SENP6: variants seen among roughly 807,000 people sequenced by gnomAD.
The protein encoded by SENP6 is SUMO specific peptidase 6.
In SENP6, 41 loss-of-function variants were observed where a neutral mutation model predicts 134.5. The observed-to-expected ratio is 0.30, with a 90% CI of 0.24 to 0.40. SENP6 has a LOEUF of 0.40. Ranked by LOEUF, SENP6 falls within the 10% of genes least tolerant of loss-of-function variation. The probability of loss-of-function intolerance (pLI) is 1.00; values close to 1 mark genes in which losing one functional copy is unlikely to be tolerated. For missense variants in SENP6, 1,248 were observed against 1,312.5 expected, an observed-to-expected ratio of 0.95 and a Z score of 0.76; for synonymous variants, 395 against 429.8, an observed-to-expected ratio of 0.92 and a Z score of 1.00.
At chr6:75,667,317 A>C (rs17414729) in intron 10 of SENP6, among the ~76,000 whole-genome samples, 1 of 151,964 alleles carries the variant, frequency 6.6e-6, no homozygotes, top group African/African-American at 2.4e-5. Flanking sequence ...AAAAGTTCAC[A>C]TGGAAAAAGG....
intron 7 of SENP6, among the ~76,000 whole-genome samples, chr6:75,651,390 A>G (rs776518048): frequency 2.6e-5 from 4 of 152,128 alleles, no homozygotes; most frequent in Non-Finnish European, 2.9e-5. Context: ...GTCTTGCTCT[A>G]TTACCCAGGC....
intron 1 of SENP6, among the ~76,000 whole-genome samples, chr6:75,617,935 T>C (rs755909236): frequency 6.6e-6 from 1 of 152,224 alleles, no homozygotes; most frequent in Non-Finnish European, 1.5e-5. Flanking sequence ...TGTTTTCTTA[T>C]GATTAAACTG....
rs373276113 is a variant in SENP6, at chr6:75,677,116, A to C, written c.1708A>C (p.Ile570Leu). ...NMVFESIINE[I>L]GIKNNISNFF... ...GGTATTTGAAAGTATCATTAATGAA[A>C]TTGGTATAAAGAATAACATCTCCAA... The change falls in exon 14 of 24, where the codon ATT (isoleucine) becomes CTT (leucine). Residue 570 changes from isoleucine (I) to leucine (L), a missense_variant. This residue lies in a region of SENP6 where 733 missense variants were observed against 725.4 expected (regional missense o/e 1.01). Transcript: ENST00000447266. 6.8e-6 allele frequency: 11 copies of C among 1,609,896 alleles called. No individual in the cohort carries two copies. In the Middle Eastern group the frequency reaches 8.2e-4, roughly 121 times the overall value.
intron 16 of SENP6, among the ~76,000 whole-genome samples, chr6:75,681,873 AC>A (rs959620067): frequency 1.1e-4 from 16 of 152,286 alleles, no homozygotes; most frequent in Non-Finnish European, 2.1e-4. Context: ...CTACAAAAAA[AC>A]AAAAATATAA....
At chr6:75,703,150 G>A in intron 19 of SENP6, 78 bp downstream of exon 19, 1 of 1,229,844 alleles carries the variant, frequency 8.1e-7, no homozygotes. Context: ...TTAAGATCCT[G>A]TTTTAAAAAA....
intron 1 of SENP6, among the ~76,000 whole-genome samples, chr6:75,621,178 G>A (rs1768240690): frequency 6.6e-6 from 1 of 152,216 alleles, no homozygotes. Flanking sequence ...CATGAAGAAG[G>A]CAAGCAAACT....
chr6:75,619,361 A>G (rs1343223658), intron 1 of SENP6, among the ~76,000 whole-genome samples: 1 of 151,944 alleles, frequency 6.6e-6, no homozygotes, highest in South Asian at 2.1e-4. Flanking sequence ...TATTTCACTT[A>G]GTAACTGTTT....
chr6:75,717,016 T>C lies in SENP6; in HGVS notation c.*1422T>C, dbSNP rs1460350789. 4 of 151,956 alleles carry C rather than the reference T, an allele frequency of 2.6e-5. No homozygotes were observed. The highest frequency in any genetic ancestry group is 5.9e-5 in the Non-Finnish European group (4 of 67,850). 9.4% of individuals were successfully genotyped at this position (151,956 alleles called of 1,614,324 possible). A position where few individuals can be genotyped will look rare whatever the true frequency, so the allele number is the denominator to read the frequency against. On this transcript the variant is annotated 3_prime_UTR_variant, in exon 24 of 24. Coordinates refer to ENST00000447266, the MANE Select transcript of SENP6 (RefSeq NM_015571.4). ...CAGTAGAGTCTCAGTAAGAGAAATA[T>C]TAAAATGTAAGAAAGGTCACCATTA...
Position 75,715,422 on chromosome 6 carries a change from C to T in SENP6, c.3167C>T (p.Ala1056Val). The change falls in exon 24 of 24, where the codon GCA (alanine) becomes GTA (valine). Residue 1056 changes from alanine (A) to valine (V), a missense_variant. Physicochemically the swap from Ala to Val is moderately conservative, Grantham distance 64. Coordinates refer to ENST00000447266, the MANE Select transcript of SENP6 (RefSeq NM_015571.4). The stretch of plus-strand genomic sequence containing the variant: ...AGTTTTGAACTACCTATGAATTTGG[C>T]AAACTGGTTTCCTCCACCAAGAATG... ...ILSFELPMNL[A>V]NWFPPPRMRT... The T allele has an allele frequency of 6.2e-7, 1 of 1,613,068 alleles. No homozygotes were observed. Among genetic ancestry groups the T allele is most frequent in the Non-Finnish European group, 8.5e-7 (1 of 1,179,372 alleles).
At chr6:75,697,597 A>G in intron 18 of SENP6, 80 bp downstream of exon 18, 1 of 919,482 alleles carries the variant, frequency 1.1e-6, no homozygotes. Flanking sequence ...TATGAGGTGA[A>G]GAATTCATTT....
At chr6:75,689,031 AC>A in intron 16 of SENP6, among the ~76,000 whole-genome samples, 1 of 152,026 alleles carries the variant, frequency 6.6e-6, no homozygotes, top group Non-Finnish European at 1.5e-5. Context: ...ATGCCATTGA[AC>A]TCCAGCCTGG....
chr6:75,635,566 A>G (rs1372484306), intron 5 of SENP6, among the ~76,000 whole-genome samples: 7 of 152,152 alleles, frequency 4.6e-5, no homozygotes, highest in Admixed American at 3.9e-4. Flanking sequence ...ATGGGCTATC[A>G]GATCTTTTAC....
intron 19 of SENP6, among the ~76,000 whole-genome samples, chr6:75,703,543 T>G (rs968847878): frequency 1.3e-5 from 2 of 152,122 alleles, no homozygotes; most frequent in Non-Finnish European, 2.9e-5. Flanking sequence ...GGCAGATCAC[T>G]TGAGCTCAGA....
chr6:75,713,718 A>G lies in SENP6; in HGVS notation c.3022A>G (p.Ser1008Gly), dbSNP rs866122294. The G allele has an allele frequency of 1.2e-6, 2 of 1,613,156 alleles. No homozygotes were observed. Among genetic ancestry groups the G allele is most frequent in the Middle Eastern group, 1.7e-4 (1 of 6,050 alleles). ...GGAAGTTAAAAAAGGAAGCAAAAGAAGTTTTTCCAAAGATGTTATGAAGGG... is the reference window on the plus strand; with the variant it reads ...GGAAGTTAAAAAAGGAAGCAAAAGAGGTTTTTCCAAAGATGTTATGAAGGG... ...EWEVKKGSKR[S>G]FSKDVMKGSN... Residue 1008 changes from serine (S) to glycine (G), a missense_variant, in exon 23 of 24, where the codon AGT (serine) becomes GGT (glycine). Physicochemically the swap from Ser to Gly is moderately conservative, Grantham distance 56 (BLOSUM62 0). This residue lies in a region of SENP6 where 386 missense variants were observed against 395.0 expected (regional missense o/e 0.98). Transcript: ENST00000447266.
At chr6:75,706,660 G>A (rs2149903341) in intron 19 of SENP6, among the ~76,000 whole-genome samples, 2 of 151,450 alleles carry the variant, frequency 1.3e-5, no homozygotes, top group East Asian at 3.9e-4. Context: ...ATTATAGTTT[G>A]TACATTTTTG....
chr6:75,715,410 C>G lies in SENP6; in HGVS notation c.3155C>G (p.Pro1052Arg). ...AATCCAATTCTCAGTTTTGAACTAC[C>G]TATGAATTTGGCAAACTGGTTTCCT... ...FENPILSFEL[P>R]MNLANWFPPP... Residue 1052 changes from proline (P) to arginine (R), a missense_variant, in exon 24 of 24, where the codon CCT (proline) becomes CGT (arginine). Physicochemically the swap from Pro to Arg is moderately radical, Grantham distance 103 (BLOSUM62 -2). Coordinates refer to ENST00000447266, the MANE Select transcript of SENP6 (RefSeq NM_015571.4). 6.2e-7 allele frequency: 1 copy of G among 1,612,220 alleles called. No individual in the cohort carries two copies. Among genetic ancestry groups the G allele is most frequent in the Non-Finnish European group, 8.5e-7 (1 of 1,178,870 alleles).
chr6:75,633,064 A>C (rs1769231160), intron 3 of SENP6, among the ~76,000 whole-genome samples: 1 of 152,188 alleles, frequency 6.6e-6, no homozygotes, highest in Non-Finnish European at 1.5e-5. Flanking sequence ...TGCCTGTTAT[A>C]TACTGTGATC....
At chr6:75,603,493 G>T (rs1378024609) in intron 1 of SENP6, among the ~76,000 whole-genome samples, 2 of 152,116 alleles carry the variant, frequency 1.3e-5, no homozygotes, top group African/African-American at 2.4e-5. Context: ...TTGTTAAAAA[G>T]AATTAACTAC....
intron 1 of SENP6, among the ~76,000 whole-genome samples, chr6:75,609,318 A>G (rs1767267810): frequency 6.6e-6 from 1 of 152,226 alleles, no homozygotes; most frequent in Non-Finnish European, 1.5e-5. Flanking sequence ...GTTATTATGG[A>G]GAAGTATTAT....
Sources: gnomAD v4.1 joint callset for allele counts (sites outside exome capture counted in the v4.1 genomes callset) on GRCh38, gnomAD v4.1.1 for gene constraint, gnomAD v4.1.1 regional missense constraint, MANE v1.5 for transcripts, NCBI Gene and HGNC (gene_info 2026-07-23, HGNC 2026-07-21) for gene names.